Variants in CFAP299 observed in about 807,000 individuals in gnomAD.
CFAP299 encodes cilia- and flagella-associated protein 299.
Under a neutral mutation model 27.0 loss-of-function variants are expected in CFAP299, and 21 were observed. The observed-to-expected ratio is 0.78, with a 90% CI of 0.55 to 1.12. CFAP299 has a LOEUF of 1.12. CFAP299 is among the 50% of genes most tolerant of loss of function. CFAP299 has a pLI of 0.00. For synonymous variants in CFAP299, 104 were observed against 98.1 expected (o/e 1.06, Z -0.36); for missense variants, 310 against 276.6 (o/e 1.12, Z -0.86).
chr4:80,622,169 T>A (rs1438281414), intron 3 of CFAP299, among the ~76,000 whole-genome samples: 1 of 152,168 alleles, frequency 6.6e-6, no homozygotes. Context: ...TTTTGAATAA[T>A]AATTTTTCTG....
At chr4:80,737,169 G>T (rs1393810880) in intron 3 of CFAP299, among the ~76,000 whole-genome samples, 2 of 148,662 alleles carry the variant, frequency 1.3e-5, no homozygotes, top group Admixed American at 6.7e-5. Context: ...GTTGTGGGTT[G>T]GGGGGAGGGG....
chr4:80,692,763 A>T (rs372044424), intron 3 of CFAP299, among the ~76,000 whole-genome samples: 1 of 152,088 alleles, frequency 6.6e-6, no homozygotes, highest in African/African-American at 2.4e-5. Flanking sequence ...ACAGGCAACC[A>T]ACAAAATGGG....
At chr4:80,329,782 T>C in the CFAP299 span, among the ~76,000 whole-genome samples, 2 of 152,152 alleles carry the variant, frequency 1.3e-5, no homozygotes, top group Non-Finnish European at 2.9e-5. Context: ...GCTTTGATAT[T>C]GTACTCAGAA....
intron 2 of CFAP299, among the ~76,000 whole-genome samples, chr4:80,547,575 A>T (rs1186190963): frequency 1.3e-5 from 2 of 152,156 alleles, no homozygotes; most frequent in Non-Finnish European, 2.9e-5. Flanking sequence ...AAACATCAAC[A>T]GAGTAAAAAG....
chr4:80,871,680 T>A, intron 4 of CFAP299: 1 of 967,916 alleles, frequency 1.0e-6, no homozygotes, highest in Middle Eastern at 5.3e-4. Context: ...TCTATTATCT[T>A]AGCAGCTTTG....
intron 3 of CFAP299, chr4:80,649,138 G>A (rs908941296): frequency 6.6e-6 from 1 of 152,218 alleles, no homozygotes; most frequent in Non-Finnish European, 1.5e-5. Flanking sequence ...GGCGATAGGA[G>A]GAGAGCAGAA....
At chr4:80,890,744 A>G (rs1302099891) in intron 4 of CFAP299, among the ~76,000 whole-genome samples, 1 of 150,384 alleles carries the variant, frequency 6.6e-6, no homozygotes, top group Non-Finnish European at 1.5e-5. Context: ...CTTTTTAATG[A>G]TTGCCATTCT....
intron 2 of CFAP299, among the ~76,000 whole-genome samples, chr4:80,554,389 G>C (rs1391136573): frequency 6.6e-6 from 1 of 151,862 alleles, no homozygotes; most frequent in Non-Finnish European, 1.5e-5. Context: ...TTTGGTTACT[G>C]TGGCCCTGTA....
At chr4:80,859,195 G>T (rs2110156479) in intron 3 of CFAP299, among the ~76,000 whole-genome samples, 1 of 152,138 alleles carries the variant, frequency 6.6e-6, no homozygotes, top group Middle Eastern at 3.4e-3. Flanking sequence ...GATCTTTGTT[G>T]GTTTAAAGTC....
At chr4:80,475,838 A>C (rs1010570080) in intron 2 of CFAP299, among the ~76,000 whole-genome samples, 4 of 152,186 alleles carry the variant, frequency 2.6e-5, no homozygotes, top group African/African-American at 9.6e-5. Context: ...AGAGTCCTAG[A>C]ATATTCCTAA....
intron 3 of CFAP299, among the ~76,000 whole-genome samples, chr4:80,830,143 AGT>A (rs1730217428): frequency 6.6e-6 from 1 of 152,102 alleles, no homozygotes; most frequent in African/African-American, 2.4e-5. Context: ...GCTATTCCAG[AGT>A]GTGTTTTTCT....
chr4:80,377,437 G>T (rs1167803506), intron 2 of CFAP299, among the ~76,000 whole-genome samples: 1 of 151,964 alleles, frequency 6.6e-6, no homozygotes, highest in Non-Finnish European at 1.5e-5. Context: ...ATATGTACCT[G>T]TCTATTTTTT....
chr4:80,547,584 A>G (rs564321549), intron 2 of CFAP299, among the ~76,000 whole-genome samples: 1 of 152,172 alleles, frequency 6.6e-6, no homozygotes, highest in Non-Finnish European at 1.5e-5. Context: ...CAGAGTAAAA[A>G]GACAGCCTAC....
chr4:80,596,690 C>T (rs543925833), intron 3 of CFAP299, among the ~76,000 whole-genome samples: 30 of 152,116 alleles, frequency 2.0e-4, no homozygotes, highest in Admixed American at 3.9e-4. Context: ...TTGATCACTA[C>T]CCAGAATAAG....
intron 2 of CFAP299, among the ~76,000 whole-genome samples, chr4:80,479,177 G>T (rs1452189659): frequency 6.6e-6 from 1 of 151,970 alleles, no homozygotes; most frequent in African/African-American, 2.4e-5. Context: ...CTGCATTGCA[G>T]TTGGATTATA....
chr4:80,602,537 C>T (rs558066895), intron 3 of CFAP299, among the ~76,000 whole-genome samples: 1 of 152,120 alleles, frequency 6.6e-6, no homozygotes, highest in Non-Finnish European at 1.5e-5. Flanking sequence ...AATAATAGAT[C>T]TCTGCCTTAT....
At chr4:80,490,207 C>G (rs560384060) in intron 2 of CFAP299, among the ~76,000 whole-genome samples, 2 of 152,136 alleles carry the variant, frequency 1.3e-5, no homozygotes, top group African/African-American at 4.8e-5. Context: ...TACCAATTCT[C>G]AAGTGGTTTT....
intron 3 of CFAP299, among the ~76,000 whole-genome samples, chr4:80,724,263 A>G (rs1257739862): frequency 6.6e-6 from 1 of 152,162 alleles, no homozygotes. Flanking sequence ...CTTAAAATGA[A>G]TGAATGTAGC....
chr4:80,907,216 A>G (rs1039468429), intron 4 of CFAP299, among the ~76,000 whole-genome samples: 2 of 152,172 alleles, frequency 1.3e-5, no homozygotes, highest in Non-Finnish European at 1.5e-5. Flanking sequence ...TCTCATCTTC[A>G]TCTGCATCTG....
Sources: gnomAD v4.1 joint callset for allele counts (sites outside exome capture counted in the v4.1 genomes callset) on GRCh38, gnomAD v4.1.1 for gene constraint, MANE v1.5 for transcripts, NCBI Gene and HGNC (gene_info 2026-07-23, HGNC 2026-07-21) for gene names.